Variants in MYO5A observed in about 807,000 individuals in gnomAD.
The protein encoded by MYO5A is unconventional myosin-Va.
MYO5A carries 98 observed loss-of-function variants against 249.7 expected under a neutral mutation model. The ratio of observed to expected loss-of-function variants is 0.39; its 90% confidence interval spans 0.33 to 0.46. The LOEUF (loss-of-function observed/expected upper bound fraction) is 0.46. Among genes scored for constraint, MYO5A ranks in the 20% least tolerant of loss-of-function variants. The pLI is 0.98. For synonymous variants in MYO5A, 778 were observed against 810.6 expected, an observed-to-expected ratio of 0.96 and a Z score of 0.68; for missense variants, 1,696 against 2,308.8, an observed-to-expected ratio of 0.73 and a Z score of 5.44.
chr15:52,313,485 G>C lies in MYO5A; in HGVS notation c.*211C>G, dbSNP rs1221641762. On this transcript the variant is annotated 3_prime_UTR_variant, in exon 42 of 42. Transcript: ENST00000399233. ...ACGGTACCTAGTTGGTTAAGGATGA[G>C]TGTTGCTATAAAGATAACACAGCAC... 2 of 611,092 alleles carry C rather than the reference G, an allele frequency of 3.3e-6. No individual in the cohort carries two copies. Among genetic ancestry groups the C allele is most frequent in the African/African-American group, 3.7e-5 (2 of 54,090 alleles). 37.9% of individuals were successfully genotyped at this position (611,092 alleles called of 1,614,324 possible).
rs2042009512 is a variant in MYO5A at position 52,387,275 on chromosome 15, C to T, written c.1752+554G>A. ...CTTTTCCCTCTAGAAAGCAGTGTCT[C>T]TAGTACCTATGCCTAAGAAAAATAA... is the stretch of plus-strand genomic sequence containing the variant. On this transcript the variant is annotated intron_variant, in intron 14 of 41. Transcript: ENST00000399233. Among the ~76,000 whole-genome samples the T allele has an allele frequency of 3.3e-5, 5 of 152,156 alleles. 1 individual carries two copies. The South Asian group carries it at 1.0e-3, about 32-fold the overall frequency.
rs570928394 is a variant in MYO5A at position 52,336,793 on chromosome 15, C to T, written c.4315-237G>A. Among the ~76,000 whole-genome samples the T allele has an allele frequency of 1.2e-4, 18 of 152,340 alleles. 1 individual carries two copies. The South Asian group carries it at 3.3e-3, about 28-fold the overall frequency. On this transcript the variant is annotated intron_variant, in intron 33 of 41. Transcript: ENST00000399233. ...TACAGCGTGATGGACAGCAGGCTCA[C>T]TGCAGAGTCTTTCCAGTAGACTCCA... is the stretch of plus-strand genomic sequence containing the variant.
chr15:52,430,241 A>G (rs890172549), intron 2 of MYO5A, among the ~76,000 whole-genome samples: 3 of 152,248 alleles, frequency 2.0e-5, no homozygotes, highest in Admixed American at 1.3e-4. Flanking sequence ...TAAATACACA[A>G]TTGTCTGTTC....
Position 52,313,679 on chromosome 15 carries a change from T to C in MYO5A, c.*17A>G, listed in dbSNP as rs776410785. On this transcript the variant is annotated 3_prime_UTR_variant, in exon 42 of 42. Transcript: ENST00000399233. ...CGGGCAAGAAATGTATTGTCAATTTTTGCCTGGACATCACTTTCAGACCCG... is the reference window on the plus strand; with the variant it reads ...CGGGCAAGAAATGTATTGTCAATTTCTGCCTGGACATCACTTTCAGACCCG... The C allele has an allele frequency of 5.0e-6, 8 of 1,614,052 alleles. No homozygotes were observed. The highest frequency in any genetic ancestry group is 6.8e-6 in the Non-Finnish European group (8 of 1,179,926).
At chr15:52,336,637 C>G in intron 33 of MYO5A, 81 bp from the exon 34 acceptor site, 1 of 1,054,954 alleles carries the variant, frequency 9.5e-7, no homozygotes, top group African/African-American at 1.6e-5. Context: ...GACACAATAT[C>G]ACAGAAACAA....
rs150679277 is a variant in MYO5A at position 52,380,551 on chromosome 15, G to A, written c.2013-643C>T. Among the ~76,000 whole-genome samples the A allele has an allele frequency of 6.3e-3, 959 of 151,988 alleles. 16 individuals carry two copies. Among genetic ancestry groups the A allele is most frequent in the African/African-American group, 0.022 (920 of 41,424 alleles). ...AGGAGGCCAAGGGCAGGCGGATCAC[G>A]AGGTCAGCAGTTTGAGACCAGCCTG... is the stretch of plus-strand genomic sequence containing the variant. On this transcript the variant is annotated intron_variant, in intron 16 of 41. Transcript: ENST00000399233.
chr15:52,474,379 T>C (rs1182655283), intron 1 of MYO5A, among the ~76,000 whole-genome samples: 1 of 152,242 alleles, frequency 6.6e-6, no homozygotes, highest in African/African-American at 2.4e-5. Flanking sequence ...ATACCCTTTC[T>C]TTCTTTCTCC....
rs1192896937 is a variant in MYO5A, at chr15:52,311,708, A to T, written c.*1988T>A. 1 of 152,318 alleles carries T rather than the reference A, an allele frequency of 6.6e-6. No individual in the cohort carries two copies. Among genetic ancestry groups the T allele is most frequent in the Non-Finnish European group, 1.5e-5 (1 of 68,042 alleles). The allele number at this position is 152,318 out of a possible 1,614,324, so 9.4% of individuals were successfully genotyped here. A position where few individuals can be genotyped will look rare whatever the true frequency, so the allele number is the denominator to read the frequency against. On this transcript the variant is annotated 3_prime_UTR_variant, in exon 42 of 42. Coordinates refer to ENST00000399233, the MANE Select transcript of MYO5A (RefSeq NM_001382347.1). ...CTACACACTGGTCTTTCCATCAGAG[A>T]ATGGACTTACTGAGTAACTGCAGCT... is the stretch of plus-strand genomic sequence containing the variant.
intron 31 of MYO5A, among the ~76,000 whole-genome samples, chr15:52,340,632 G>A (rs950765267): frequency 3.3e-5 from 5 of 152,178 alleles, no homozygotes; most frequent in Non-Finnish European, 7.3e-5. Flanking sequence ...TAAGAAACAG[G>A]AGAGTTTTAG....
chr15:52,522,247 G>T (rs529838622), intron 1 of MYO5A, among the ~76,000 whole-genome samples: 1 of 152,320 alleles, frequency 6.6e-6, no homozygotes, highest in African/African-American at 2.4e-5. Flanking sequence ...GAAATGTTCT[G>T]CATCTTGTTT....
chr15:52,413,594 G>A (rs1048168369), intron 5 of MYO5A, among the ~76,000 whole-genome samples: 1 of 152,226 alleles, frequency 6.6e-6, no homozygotes, highest in Non-Finnish European at 1.5e-5. Context: ...TCTCAGCAAA[G>A]GGCTCTGATA....
intron 34 of MYO5A, among the ~76,000 whole-genome samples, chr15:52,334,457 G>A (rs1293042848): frequency 6.6e-6 from 1 of 152,188 alleles, no homozygotes; most frequent in Non-Finnish European, 1.5e-5. Context: ...GCTCATGTGT[G>A]TGTGAGTGTG....
At chr15:52,359,490 A>T (rs2040413538) in intron 25 of MYO5A, among the ~76,000 whole-genome samples, 1 of 152,334 alleles carries the variant, frequency 6.6e-6, no homozygotes, top group South Asian at 2.1e-4. Flanking sequence ...AAAAACTGGC[A>T]TAAAATAGAG....
chr15:52,382,228 T>C (rs1413228034), intron 16 of MYO5A, among the ~76,000 whole-genome samples: 1 of 152,210 alleles, frequency 6.6e-6, no homozygotes, highest in Non-Finnish European at 1.5e-5. Flanking sequence ...TTTATTTTTA[T>C]ACTATTCTGT....
chr15:52,356,894 T>C (rs757273323), intron 25 of MYO5A, among the ~76,000 whole-genome samples: 2 of 151,418 alleles, frequency 1.3e-5, no homozygotes, highest in Non-Finnish European at 2.9e-5. Context: ...GTTATTCCAA[T>C]TCAAAAACAA....
At chr15:52,387,385 C>G (rs755348811) in intron 14 of MYO5A, among the ~76,000 whole-genome samples, 16 of 152,150 alleles carry the variant, frequency 1.1e-4, no homozygotes, top group Non-Finnish European at 2.2e-4. Flanking sequence ...TGCGTAAGGC[C>G]ACGTTTCTAG....
At chr15:52,322,077 G>C (rs1488900713) in intron 37 of MYO5A, among the ~76,000 whole-genome samples, 3 of 152,208 alleles carry the variant, frequency 2.0e-5, no homozygotes, top group Non-Finnish European at 2.9e-5. Context: ...AAATGGAACT[G>C]AATGGGCGGC....
chr15:52,359,910 C>T, intron 25 of MYO5A, 58 bp downstream of exon 25: 1 of 1,230,734 alleles, frequency 8.1e-7, no homozygotes, highest in Non-Finnish European at 1.2e-6. Context: ...TGGAAATGTT[C>T]CTTGTTAACA....
chr15:52,436,184 G>A (rs2075658939), intron 1 of MYO5A, among the ~76,000 whole-genome samples: 1 of 152,136 alleles, frequency 6.6e-6, no homozygotes, highest in African/African-American at 2.4e-5. Flanking sequence ...TCCCACCTTG[G>A]CCTCCCAAAG....
Sources: gnomAD v4.1 joint callset for allele counts (sites outside exome capture counted in the v4.1 genomes callset) on GRCh38, gnomAD v4.1.1 for gene constraint, MANE v1.5 for transcripts, NCBI Gene and HGNC (gene_info 2026-07-23, HGNC 2026-07-21) for gene names.